Variants in TBX1 observed in about 807,000 individuals in gnomAD.
TBX1 encodes T-box transcription factor 1, also known as T-box transcription factor TBX1.
Under a neutral mutation model 40.8 loss-of-function variants are expected in TBX1, and 16 were observed. The ratio of observed to expected loss-of-function variants is 0.39; its 90% CI spans 0.27 to 0.60. The LOEUF is 0.60. Among genes scored for constraint, TBX1 ranks in the 20% least tolerant of loss-of-function variants. TBX1 has a pLI of 0.51. For missense variants in TBX1, 755 were observed against 728.5 expected (o/e 1.04, Z -0.42); for synonymous variants, 403 against 336.8 (o/e 1.20, Z -2.15).
At chr22:19,774,921 T>G (rs908176428) in intron 8 of TBX1, among the ~76,000 whole-genome samples, 1 of 152,162 alleles carries the variant, frequency 6.6e-6, no homozygotes, top group African/African-American at 2.4e-5. Context: ...CACTGAATTG[T>G]GTACTTCAAC....
At chr22:19,767,646 C>T (rs41299352), downstream of TBX1, among the ~76,000 whole-genome samples, 2,956 of 152,318 alleles carry the variant, frequency 0.019, 34 homozygotes, top group Non-Finnish European at 0.028. Context: ...TGCATCCTGC[C>T]TTTTTACTTA....
intron 4 of TBX1, 88 bp downstream of exon 4, chr22:19,765,201 C>A: frequency 1.3e-6 from 2 of 1,585,010 alleles, no homozygotes; most frequent in Non-Finnish European, 8.6e-7. Flanking sequence ...GACAGTGGGT[C>A]CGCTTAGACC....
At chr22:19,759,504 G>C, upstream of TBX1, 1 of 1,500,386 alleles carries the variant, frequency 6.7e-7, no homozygotes, top group Non-Finnish European at 8.9e-7. Flanking sequence ...ATGGACGCGC[G>C]GAGCCCGCTG....
At chr22:19,781,765 G>C (rs1937144803), downstream of TBX1, among the ~76,000 whole-genome samples, 1 of 152,280 alleles carries the variant, frequency 6.6e-6, no homozygotes, top group South Asian at 2.1e-4. Context: ...TGTAAATCCA[G>C]TTTTCCCAAC....
chr22:19,771,629 C>T (rs1219303423), downstream of TBX1, among the ~76,000 whole-genome samples: 1 of 152,234 alleles, frequency 6.6e-6, no homozygotes, highest in Non-Finnish European at 1.5e-5. Context: ...CCACTGGCAT[C>T]CTCTGCTCTG....
chr22:19,779,425 TG>T, exon 9 of TBX1: 1 of 1,614,132 alleles, frequency 6.2e-7, no homozygotes, highest in Non-Finnish European at 8.5e-7. Flanking sequence ...GGCCGGGCCA[TG>T]GGCACATGGA....
chr22:19,761,193 C>A lies in TBX1; in HGVS notation c.350C>A (p.Ala117Asp). 6.4e-7 allele frequency: 1 copy of A among 1,550,700 alleles called. No homozygotes were observed. Among genetic ancestry groups the A allele is most frequent in the Admixed American group, 1.8e-5 (1 of 54,912 alleles). The change falls in exon 1 of 7, where the codon GCC becomes GAC. Residue 117 changes from alanine (A) to aspartate (D), a missense_variant. Around this residue, in one of 3 missense-constraint regions of TBX1, gnomAD observed 199 missense variants for 173.0 expected, o/e 1.15. Transcript: ENST00000649276. ...CCGGTGAAGAAGAACGCGAAGGTGG[C>A]CGGTGTGAGCGTGCAGCTAGAGATG... ...KAPVKKNAKV[A>D]GVSVQLEMKA...
At position 19,763,349 on chromosome 22, in the gene TBX1, G is replaced by GAGT. The variant is rs2145832489; in HGVS notation, c.539+8_539+10dup. The GAGT allele has an allele frequency of 6.2e-7, 1 of 1,614,000 alleles. No homozygotes were observed. ...TGGACGATAAGCGCTACCGGTGAGCGAGTGGTTGTAAGCGTGAGGGACCGG... is the reference window on the plus strand; with the variant it reads ...TGGACGATAAGCGCTACCGGTGAGCGAGTAGTGGTTGTAAGCGTGAGGGACCGG... On this transcript the variant is annotated splice_region_variant and intron_variant, in intron 2 of 6. Transcript: ENST00000649276.
At position 19,765,089 on chromosome 22, in the gene TBX1, G is replaced by A. The variant is rs758417980; in HGVS notation, c.843G>A (p.Ala281=). 2.5e-6 allele frequency: 4 copies of A among 1,614,196 alleles called. No individual in the cohort carries two copies. Among genetic ancestry groups the A allele is most frequent in the East Asian group, 2.2e-5 (1 of 44,896 alleles). The part of the protein sequence containing the change: ...TFVFEETRFT[A]VTAYQNHRIT... Reference sequence around the variant, plus strand: ...TGTTCGAGGAGACACGATTCACCGCGGTCACTGCCTACCAGAACCATCGGG... The same window carrying A: ...TGTTCGAGGAGACACGATTCACCGCAGTCACTGCCTACCAGAACCATCGGG... Residue 281 remains alanine, a synonymous_variant, in exon 4 of 7, where the codon GCG becomes GCA. Coordinates refer to ENST00000649276, the MANE Select transcript of TBX1 (RefSeq NM_001379200.1).
intron 2 of TBX1, chr22:19,763,802 C>G (rs898797637): frequency 6.6e-6 from 3 of 455,484 alleles, no homozygotes. Flanking sequence ...AAAGAGAACG[C>G]GCACTGCCCT....
rs113944824 is a variant in TBX1 at position 19,761,282 on chromosome 22, T to C, written c.437+2T>C. The stretch of plus-strand genomic sequence containing the variant: ...GATGATCGTCACCAAGGCCGGCAGG[T>C]CAGGGCGCCCCTCCCCACGCCGCGA... On this transcript the variant is annotated splice_donor_variant, in intron 1 of 6. Transcript: ENST00000649276. LOFTEE classifies it high-confidence loss of function. 1 of 1,545,222 alleles carries C rather than the reference T, an allele frequency of 6.5e-7. No homozygotes were observed. The highest frequency in any genetic ancestry group is 8.7e-7 in the Non-Finnish European group (1 of 1,143,454).
At chr22:19,778,614 CAGTAGAGACGGG>C (rs928226889) in intron 8 of TBX1, among the ~76,000 whole-genome samples, 4 of 151,252 alleles carry the variant, frequency 2.6e-5, no homozygotes, top group African/African-American at 9.7e-5. Flanking sequence ...TTTGTATTTT[CAGTAGAGACGGG>C]GCTTCACCAT....
chr22:19,764,894 G>A, intron 3 of TBX1, 64 bp from the exon 4 acceptor site: 1 of 1,600,738 alleles, frequency 6.2e-7, no homozygotes, highest in Non-Finnish European at 8.5e-7. Flanking sequence ...CCATTTCCTG[G>A]CTCCCACCCC....
chr22:19,763,398 G>A lies in TBX1; in HGVS notation c.539+56G>A, dbSNP rs1013028797. 29 of 1,547,438 alleles carry A rather than the reference G, an allele frequency of 1.9e-5. No homozygotes were observed. In the African/African-American group the frequency reaches 2.9e-4, roughly 15 times the overall value. On this transcript the variant is annotated intron_variant, in intron 2 of 6. Coordinates refer to ENST00000649276, the MANE Select transcript of TBX1 (RefSeq NM_001379200.1). The stretch of plus-strand genomic sequence containing the variant: ...GGGAGGGCACCCTGGAAAGTGGCGG[G>A]TCTCCGCCTGGTGACCCAACTCCAA...
At chr22:19,772,650 C>G (rs1937007437) in intron 8 of TBX1, among the ~76,000 whole-genome samples, 1 of 152,170 alleles carries the variant, frequency 6.6e-6, no homozygotes. Flanking sequence ...CCCTCCGTTT[C>G]TGAATTCATC....
At chr22:19,778,092 C>T (rs1937094378) in intron 8 of TBX1, among the ~76,000 whole-genome samples, 1 of 151,870 alleles carries the variant, frequency 6.6e-6, no homozygotes, top group South Asian at 2.1e-4. Flanking sequence ...TAAAACAGCA[C>T]ATTCCTGCTC....
downstream of TBX1, chr22:19,782,938 C>T: frequency 1.2e-6 from 2 of 1,605,652 alleles, no homozygotes; most frequent in Non-Finnish European, 8.5e-7. Context: ...GCTCTGGGCT[C>T]CAACCTGGCT....
At chr22:19,764,914 G>A (rs765633191) in intron 3 of TBX1, 44 bp from the exon 4 acceptor site, 1 of 1,612,620 alleles carries the variant, frequency 6.2e-7, no homozygotes, top group Non-Finnish European at 8.5e-7. Flanking sequence ...CAGATCCTCA[G>A]CCCAGCCCCA....
chr22:19,759,439 G>T (rs1052748735), upstream of TBX1: 55 of 1,374,814 alleles, frequency 4.0e-5, no homozygotes, highest in Non-Finnish European at 5.0e-5. Flanking sequence ...GGCTGGGCGC[G>T]GTGCGGCTGG....
Sources: allele counts gnomAD v4.1 joint callset (sites outside exome capture counted in the v4.1 genomes callset), GRCh38; gene constraint gnomAD v4.1.1; regional missense constraint gnomAD v4.1.1; transcripts MANE v1.5; gene names NCBI Gene and HGNC (gene_info 2026-07-23, HGNC 2026-07-21).